Variants in FAM161A observed in about 807,000 individuals in gnomAD.
FAM161A encodes protein FAM161A.
In FAM161A, 57 loss-of-function variants were observed where a neutral mutation model predicts 70.9. The observed-to-expected ratio is 0.80, with a 90% confidence interval of 0.65 to 1.00. The LOEUF (loss-of-function observed/expected upper bound fraction) is 1.00. Among genes scored for constraint, FAM161A ranks in the 50% least tolerant of loss-of-function variants. The pLI is 0.00. For missense variants in FAM161A, 880 were observed against 836.0 expected (o/e 1.05, Z -0.65); for synonymous variants, 299 against 295.7 (o/e 1.01, Z -0.12).
intron 5 of FAM161A, among the ~76,000 whole-genome samples, chr2:61,833,853 G>A (rs1038511041): frequency 6.6e-6 from 1 of 152,022 alleles, no homozygotes; most frequent in African/African-American, 2.4e-5. Context: ...CATACAGCGA[G>A]ACCCAGTCTC....
At position 61,854,056 on chromosome 2, in the gene FAM161A, G is replaced by A. The variant is rs1673594083; in HGVS notation, c.-15C>T. ...GAGGTGGCCATCGCCCCGCCTCCGA[G>A]GCCTGAGCGCCTGCGCTGGCCCGGG... On this transcript the variant is annotated 5_prime_UTR_variant, in exon 1 of 7. Transcript: ENST00000404929. The A allele has an allele frequency of 6.3e-7, 1 of 1,593,710 alleles. No individual in the cohort carries two copies. The highest frequency in any genetic ancestry group is 1.3e-5 in the African/African-American group (1 of 74,428).
the FAM161A span, among the ~76,000 whole-genome samples, chr2:61,813,718 C>CAAA: frequency 4.6e-5 from 4 of 87,000 alleles, no homozygotes; most frequent in Admixed American, 1.4e-4. Flanking sequence ...GACCCTGTCT[C>CAAA]AAAAAAAAAA....
At chr2:61,803,701 C>G in the FAM161A span, among the ~76,000 whole-genome samples, 1 of 152,172 alleles carries the variant, frequency 6.6e-6, no homozygotes, top group Non-Finnish European at 1.5e-5. Flanking sequence ...GTAATTCCAA[C>G]TTCTCAGGAA....
chr2:61,843,569 A>C (rs1379197521), intron 1 of FAM161A, among the ~76,000 whole-genome samples: 1 of 152,230 alleles, frequency 6.6e-6, no homozygotes, highest in African/African-American at 2.4e-5. Flanking sequence ...CCACAGTTTT[A>C]AATTTAGCCT....
At chr2:61,808,829 G>C in the FAM161A span, among the ~76,000 whole-genome samples, 1 of 152,080 alleles carries the variant, frequency 6.6e-6, no homozygotes, top group East Asian at 1.9e-4. Flanking sequence ...GAGTGGAGAA[G>C]ACCAGAAAGA....
At chr2:61,806,680 C>CTT in the FAM161A span, among the ~76,000 whole-genome samples, 2,294 of 61,448 alleles carry the variant, frequency 0.037, 572 homozygotes, top group African/African-American at 0.047. Context: ...CTTTCCACGT[C>CTT]TTTTTTTTTT....
At chr2:61,823,010 T>C (rs1219628714), downstream of FAM161A, among the ~76,000 whole-genome samples, 1 of 152,094 alleles carries the variant, frequency 6.6e-6, no homozygotes, top group African/African-American at 2.4e-5. Context: ...CTTAAAGGCA[T>C]GCTTATTTGT....
At chr2:61,822,237 C>G (rs1216023324), downstream of FAM161A, among the ~76,000 whole-genome samples, 1 of 151,730 alleles carries the variant, frequency 6.6e-6, no homozygotes, top group Non-Finnish European at 1.5e-5. Context: ...TTGAGACCAG[C>G]CTGGGCAACA....
At chr2:61,828,284 GAAA>G (rs35901888) in intron 5 of FAM161A, among the ~76,000 whole-genome samples, 2 of 144,742 alleles carry the variant, frequency 1.4e-5, no homozygotes, top group Non-Finnish European at 3.0e-5. Flanking sequence ...AAAGATATCT[GAAA>G]AAAAAAAAAA....
chr2:61,815,416 T>C, the FAM161A span, among the ~76,000 whole-genome samples: 1 of 151,996 alleles, frequency 6.6e-6, no homozygotes, highest in Non-Finnish European at 1.5e-5. Flanking sequence ...ACTAATGTCC[T>C]GATGGCCAAC....
chr2:61,848,666 T>C (rs1448199239), intron 1 of FAM161A, among the ~76,000 whole-genome samples: 3 of 150,324 alleles, frequency 2.0e-5, no homozygotes, highest in Non-Finnish European at 4.4e-5. Context: ...TAGTTTCATC[T>C]GCAACCTGTA....
downstream of FAM161A, among the ~76,000 whole-genome samples, chr2:61,822,280 T>C (rs1192410727): frequency 1.3e-5 from 2 of 151,934 alleles, no homozygotes; most frequent in Admixed American, 1.3e-4. Flanking sequence ...TAAATTTAAA[T>C]TTAAATTAAA....
chr2:61,846,446 G>T (rs1398777202), intron 1 of FAM161A, among the ~76,000 whole-genome samples: 2 of 152,158 alleles, frequency 1.3e-5, no homozygotes, highest in Admixed American at 1.3e-4. Flanking sequence ...TTTTAGTTTG[G>T]AGTGTTCTCA....
rs1207254921 is a variant in FAM161A at position 61,825,573 on chromosome 2, C to T, written c.*882G>A. 1 of 442,640 alleles carries T rather than the reference C, an allele frequency of 2.3e-6. No individual in the cohort carries two copies. Among genetic ancestry groups the T allele is most frequent in the Admixed American group, 2.5e-5 (1 of 40,218 alleles). 27.4% of individuals were successfully genotyped at this position (442,640 alleles called of 1,614,324 possible). The stretch of plus-strand genomic sequence containing the variant: ...AAAGAAAAAGGGATGATGGTGTAGA[C>T]AATTTAACAGTAAACTCTCAGTGCA... On this transcript the variant is annotated 3_prime_UTR_variant, in exon 7 of 7. Coordinates refer to ENST00000404929, the MANE Select transcript of FAM161A (RefSeq NM_001201543.2).
Position 61,839,772 on chromosome 2 carries a change from C to T in FAM161A, c.1232G>A (p.Cys411Tyr). 1 of 1,614,120 alleles carries T rather than the reference C, an allele frequency of 6.2e-7. No individual in the cohort carries two copies. Among genetic ancestry groups the T allele is most frequent in the Non-Finnish European group, 8.5e-7 (1 of 1,180,014 alleles). Residue 411 changes from cysteine (C) to tyrosine (Y), a missense_variant, in exon 3 of 7, where the codon TGT becomes TAT. Transcript: ENST00000404929. ...CTTCAACTTTACAGCCTGTTCAGGA[C>T]ACCTGGGGTTCCTGCATCCACAAGC... ...RSACGCRNPR[C>Y]PEQAVKLKCK...
At chr2:61,803,038 C>G in the FAM161A span, 17 of 217,150 alleles carry the variant, frequency 7.8e-5, no homozygotes, top group Non-Finnish European at 1.3e-4. Context: ...CTTCTCCTCC[C>G]TGGCTGTCTG....
chr2:61,846,718 T>G, intron 1 of FAM161A: 1 of 296,548 alleles, frequency 3.4e-6, no homozygotes, highest in African/African-American at 2.3e-5. Context: ...AAAGTGGAGT[T>G]AGAGGGAGAT....
chr2:61,840,035 C>T lies in FAM161A; in HGVS notation c.969G>A (p.Lys323=). The change falls in exon 3 of 7, where the codon AAG becomes AAA. Residue 323 remains lysine (K), a synonymous_variant. Coordinates refer to ENST00000404929, the MANE Select transcript of FAM161A (RefSeq NM_001201543.2). ...CCTCCCTTGCTATAAATTTAAATGG[C>T]TTTTGTGAGGCCAAAAGAGCTTCTT... The part of the protein sequence containing the change: ...KSKEALLASQ[K]PFKFIAREEQ... 6.2e-7 allele frequency: 1 copy of T among 1,614,160 alleles called. No individual in the cohort carries two copies. Among genetic ancestry groups the T allele is most frequent in the Non-Finnish European group, 8.5e-7 (1 of 1,180,034 alleles).
intron 1 of FAM161A, chr2:61,846,943 C>G (rs1673237302): frequency 2.2e-6 from 1 of 452,638 alleles, no homozygotes; most frequent in Non-Finnish European, 4.4e-6. Flanking sequence ...CACTTTGGGT[C>G]ACTTGAGGTC....
Sources: allele counts gnomAD v4.1 joint callset (sites outside exome capture counted in the v4.1 genomes callset), GRCh38; gene constraint gnomAD v4.1.1; transcripts MANE v1.5; gene names NCBI Gene and HGNC (gene_info 2026-07-23, HGNC 2026-07-21).